HIVEP3: variants seen among roughly 807,000 people sequenced by gnomAD.
HIVEP3 encodes the protein transcription factor HIVEP3.
HIVEP3 carries 49 observed loss-of-function variants against 152.8 expected under a neutral mutation model. The observed-to-expected ratio is 0.32, with a 90% confidence interval of 0.26 to 0.41. The LOEUF (loss-of-function observed/expected upper bound fraction) is 0.41, where lower values mean the gene tolerates loss of function less well. HIVEP3 is among the 10% of genes least tolerant of loss of function. The pLI, the probability that HIVEP3 is intolerant of heterozygous loss-of-function variation, is 1.00. For missense variants in HIVEP3, 2,790 were observed against 3,103.3 expected (o/e 0.90, Z 2.40); for synonymous variants, 1,269 against 1,289.0 (o/e 0.98, Z 0.33).
At chr1:42,018,644 T>C (rs980390458) in intron 1 of HIVEP3, among the ~76,000 whole-genome samples, 1 of 152,034 alleles carries the variant, frequency 6.6e-6, no homozygotes, top group East Asian at 1.9e-4. Context: ...AAAAGGCAAT[T>C]AAGAAGCAGT....
At chr1:41,620,993 C>T (rs7552928) in intron 3 of HIVEP3, among the ~76,000 whole-genome samples, 94,027 of 152,070 alleles carry the variant, frequency 0.62, 29,568 homozygotes, top group African/African-American at 0.74. Flanking sequence ...CTGGTCAGCC[C>T]CACACCTGCA....
chr1:41,656,419 G>A (rs1233086136), intron 2 of HIVEP3, among the ~76,000 whole-genome samples: 2 of 152,200 alleles, frequency 1.3e-5, no homozygotes, highest in Admixed American at 6.5e-5. Context: ...ACAGAACCCA[G>A]GACTCCCAGC....
At chr1:41,960,431 A>C (rs1023329770) in intron 1 of HIVEP3, among the ~76,000 whole-genome samples, 92 of 152,280 alleles carry the variant, frequency 6.0e-4, no homozygotes, top group African/African-American at 2.1e-3. Flanking sequence ...TCTGAGAAGT[A>C]TATGCTCCCC....
intron 5 of HIVEP3, among the ~76,000 whole-genome samples, chr1:41,555,799 C>T (rs1375493898): frequency 6.6e-6 from 1 of 152,236 alleles, no homozygotes; most frequent in Non-Finnish European, 1.5e-5. Context: ...TCTCCTCCTT[C>T]CTCCAAGACC....
At chr1:41,724,150 T>C (rs1210398826) in intron 1 of HIVEP3, among the ~76,000 whole-genome samples, 1 of 152,216 alleles carries the variant, frequency 6.6e-6, no homozygotes, top group African/African-American at 2.4e-5. Context: ...GGGTGGACTC[T>C]GACATCCCCT....
Position 41,511,814 on chromosome 1 carries a change from G to T in HIVEP3, c.6406-548C>A, listed in dbSNP as rs7518851. On this transcript the variant is annotated intron_variant, in intron 8 of 8. Transcript: ENST00000372583. The surrounding 1 kb of genome is among the most constrained non-coding windows in gnomAD (Gnocchi z 4.9). The stretch of plus-strand genomic sequence containing the variant: ...CGGGGACAGAGAAGGTGTCGGAAGG[G>T]GGTCAGCTGACAATGATGGTGCTAT... 0.049 allele frequency among the ~76,000 whole-genome samples: 7,492 copies of T among 152,230 alleles called. 550 individuals carry two copies. Among genetic ancestry groups the T allele is most frequent in the African/African-American group, 0.16 (6,718 of 41,496 alleles).
Position 41,509,576 on chromosome 1 carries a change from G to A in HIVEP3, c.*875C>T, listed in dbSNP as rs966309151. 2.0e-5 allele frequency: 3 copies of A among 152,136 alleles called. No individual in the cohort carries two copies. Among genetic ancestry groups the A allele is most frequent in the African/African-American group, 4.8e-5 (2 of 41,408 alleles). The allele number at this position is 152,136 out of a possible 1,614,324, so 9.4% of individuals were successfully genotyped here. A position where few individuals can be genotyped will look rare whatever the true frequency, so the allele number is the denominator to read the frequency against. The stretch of plus-strand genomic sequence containing the variant: ...GAGTGAGGCCTCGGTCAGGGGCTTG[G>A]GAGCCAGGGACGGACAGTCAGGGCT... On this transcript the variant is annotated 3_prime_UTR_variant, in exon 9 of 9. Coordinates refer to ENST00000372583, the MANE Select transcript of HIVEP3 (RefSeq NM_024503.5).
At chr1:41,674,363 AT>A (rs1645922382) in intron 2 of HIVEP3, among the ~76,000 whole-genome samples, 1 of 152,246 alleles carries the variant, frequency 6.6e-6, no homozygotes, top group African/African-American at 2.4e-5. Flanking sequence ...CCACGAATGT[AT>A]TCATTCTGGC....
intron 6 of HIVEP3, among the ~76,000 whole-genome samples, chr1:41,524,196 G>GT (rs748814709): frequency 1.3e-5 from 2 of 152,188 alleles, no homozygotes; most frequent in Non-Finnish European, 2.9e-5. Flanking sequence ...GGCTGGCCCT[G>GT]TGCTGAGAGG....
At chr1:41,545,584 TCAC>T (rs1558049155) in intron 5 of HIVEP3, among the ~76,000 whole-genome samples, 2 of 15,258 alleles carry the variant, frequency 1.3e-4, no homozygotes, top group Non-Finnish European at 3.2e-4. Context: ...ACCACCACCA[TCAC>T]CATCACCACC....
At chr1:41,658,546 CG>C (rs1162869578) in intron 2 of HIVEP3, among the ~76,000 whole-genome samples, 2 of 152,142 alleles carry the variant, frequency 1.3e-5, no homozygotes, top group Non-Finnish European at 2.9e-5. Context: ...GCTACACCCC[CG>C]GGCCTTGAAA....
intron 1 of HIVEP3, among the ~76,000 whole-genome samples, chr1:41,899,467 T>G (rs1644585249): frequency 6.6e-6 from 1 of 152,182 alleles, no homozygotes; most frequent in Non-Finnish European, 1.5e-5. Context: ...AGTGCAATGG[T>G]GCAATCTCGG....
chr1:41,665,904 C>G (rs1570263915), intron 2 of HIVEP3, among the ~76,000 whole-genome samples: 1 of 152,104 alleles, frequency 6.6e-6, no homozygotes, highest in East Asian at 1.9e-4. Flanking sequence ...ATTTTGGAAC[C>G]CACTGTTGCT....
chr1:41,544,842 A>G (rs1342331428), intron 5 of HIVEP3, among the ~76,000 whole-genome samples: 5 of 58,966 alleles, frequency 8.5e-5, no homozygotes, highest in Non-Finnish European at 1.1e-4. Flanking sequence ...CACCACCACC[A>G]CTACCACCAC....
intron 3 of HIVEP3, among the ~76,000 whole-genome samples, chr1:41,586,939 G>C (rs1213144515): frequency 6.6e-6 from 1 of 151,932 alleles, no homozygotes; most frequent in Non-Finnish European, 1.5e-5. Flanking sequence ...TGGAAATAAG[G>C]CAAAAAGTCA....
intron 1 of HIVEP3, among the ~76,000 whole-genome samples, chr1:41,948,557 G>A (rs1570836065): frequency 6.6e-6 from 1 of 152,012 alleles, no homozygotes; most frequent in South Asian, 2.1e-4. Context: ...CGCAAGGCAG[G>A]ACCCTCCATT....
At chr1:41,738,940 T>C (rs1015204217) in intron 1 of HIVEP3, among the ~76,000 whole-genome samples, 11 of 152,230 alleles carry the variant, frequency 7.2e-5, no homozygotes, top group African/African-American at 2.4e-4. Flanking sequence ...TAATGAACCA[T>C]GGCGCCATTA....
rs1013421189 is a variant in HIVEP3, at chr1:41,508,161, G to T, written c.*2290C>A. 1 of 152,300 alleles carries T rather than the reference G, an allele frequency of 6.6e-6. No individual in the cohort carries two copies. The highest frequency in any genetic ancestry group is 1.5e-5 in the Non-Finnish European group (1 of 68,102). 9.4% of individuals were successfully genotyped at this position (152,300 alleles called of 1,614,324 possible). On this transcript the variant is annotated 3_prime_UTR_variant, in exon 9 of 9. Coordinates refer to ENST00000372583, the MANE Select transcript of HIVEP3 (RefSeq NM_024503.5). ...GTGGGGCCCCCCACCAATGTCAGGG[G>T]CTAGTCCACCAGAGCCCCCGGTCTG...
intron 5 of HIVEP3, among the ~76,000 whole-genome samples, chr1:41,548,992 G>C (rs1643867330): frequency 6.6e-6 from 1 of 152,050 alleles, no homozygotes; most frequent in South Asian, 2.1e-4. Context: ...ATTTACATAA[G>C]GTAATGCTAT....
Sources: gnomAD v4.1 joint callset for allele counts (sites outside exome capture counted in the v4.1 genomes callset) on GRCh38, gnomAD v4.1.1 for gene constraint, Gnocchi (gnomAD v3.1) non-coding constraint, MANE v1.5 for transcripts, NCBI Gene and HGNC (gene_info 2026-07-23, HGNC 2026-07-21) for gene names.